The following ROBO1 variants were observed in gnomAD, a reference collection of about 807,000 sequenced individuals.
The protein encoded by ROBO1 is roundabout homolog 1.
ROBO1 carries 149 observed loss-of-function variants against 195.9 expected under a neutral mutation model. The ratio of observed to expected loss-of-function variants is 0.76; its 90% confidence interval spans 0.67 to 0.87. ROBO1 has a LOEUF of 0.87. Among genes scored for constraint, ROBO1 ranks in the 40% least tolerant of loss-of-function variants. The pLI is 0.00. For synonymous variants in ROBO1, 816 were observed against 733.2 expected, an observed-to-expected ratio of 1.11 and a Z score of -1.82; for missense variants, 1,933 against 2,068.3, an observed-to-expected ratio of 0.93 and a Z score of 1.27.
intron 2 of ROBO1, among the ~76,000 whole-genome samples, chr3:79,362,041 A>C (rs2035789116): frequency 2.6e-5 from 4 of 152,184 alleles, no homozygotes; most frequent in Admixed American, 2.6e-4. Context: ...TACATCACAC[A>C]TACGGTAGAT....
At chr3:79,616,110 C>G (rs981133075) in intron 1 of ROBO1, among the ~76,000 whole-genome samples, 1 of 152,142 alleles carries the variant, frequency 6.6e-6, no homozygotes, top group South Asian at 2.1e-4. Context: ...CCAGGCACTA[C>G]TTTTGGCAGT....
chr3:79,378,790 T>C (rs1575747409), intron 2 of ROBO1, among the ~76,000 whole-genome samples: 2 of 152,318 alleles, frequency 1.3e-5, no homozygotes, highest in Admixed American at 1.3e-4. Context: ...CTTTTGCATC[T>C]CCCACATCAT....
Position 78,961,606 on chromosome 3 carries a change from G to C in ROBO1, c.173-22679C>G, listed in dbSNP as rs563010312. ...CTATTATTATCCATAACTTACAGAT[G>C]AGAAAACTGAGGCACAGAAATGAAA... On this transcript the variant is annotated intron_variant, in intron 3 of 30. Transcript: ENST00000464233. Among the ~76,000 whole-genome samples, 6 of 152,246 alleles carry C rather than the reference G, an allele frequency of 3.9e-5. No homozygotes were observed. The East Asian group carries it at 9.7e-4, about 25-fold the overall frequency.
At chr3:78,706,176 G>T (rs892808799) in intron 8 of ROBO1, among the ~76,000 whole-genome samples, 3 of 151,996 alleles carry the variant, frequency 2.0e-5, no homozygotes, top group African/African-American at 7.2e-5. Flanking sequence ...TGAAAAGCTT[G>T]CTGGAGGATG....
intron 1 of ROBO1, among the ~76,000 whole-genome samples, chr3:79,652,890 A>T (rs2106760379): frequency 6.6e-6 from 1 of 152,124 alleles, no homozygotes; most frequent in South Asian, 2.1e-4. Flanking sequence ...TCAAATGGAT[A>T]GCCATAAATA....
rs1327591018 is a variant in ROBO1, at chr3:79,735,903, A to C, written c.-51+31849T>G. On this transcript the variant is annotated intron_variant, in intron 1 of 30. Coordinates refer to ENST00000464233, the MANE Select transcript of ROBO1 (RefSeq NM_002941.4). ...AAAAAAAAACAAAAAAAAAACAAAAAATGCCTGACACTGCCTCATAGATTC... is the reference window on the plus strand; with the variant it reads ...AAAAAAAAACAAAAAAAAAACAAAACATGCCTGACACTGCCTCATAGATTC... 2.6e-5 allele frequency among the ~76,000 whole-genome samples: 4 copies of C among 151,788 alleles called. No homozygotes were observed. The East Asian group carries it at 7.7e-4, about 29-fold the overall frequency.
chr3:78,954,522 C>T (rs1371343036), intron 3 of ROBO1, among the ~76,000 whole-genome samples: 1 of 151,958 alleles, frequency 6.6e-6, no homozygotes, highest in East Asian at 1.9e-4. Flanking sequence ...AATATAGTAG[C>T]TTATTTCAGC....
intron 2 of ROBO1, among the ~76,000 whole-genome samples, chr3:79,289,092 A>ATT (rs5850419): frequency 0.1 from 14,701 of 147,578 alleles, 745 homozygotes; most frequent in Middle Eastern, 0.14. Flanking sequence ...AGGTGAAATC[A>ATT]TTTTTTTTTT....
intron 1 of ROBO1, among the ~76,000 whole-genome samples, chr3:79,752,690 C>T (rs531044754): frequency 2.0e-5 from 3 of 151,816 alleles, no homozygotes; most frequent in African/African-American, 4.8e-5. Flanking sequence ...CAGTATAAAA[C>T]AAAGGAAAAA....
At chr3:79,018,571 C>A (rs2108260989) in intron 3 of ROBO1, 3 of 1,518,730 alleles carry the variant, frequency 2.0e-6, no homozygotes, top group Non-Finnish European at 2.7e-6. Context: ...ATATAAGCAA[C>A]GTGGGTCAAT....
intron 3 of ROBO1, among the ~76,000 whole-genome samples, chr3:78,960,932 A>G (rs561995979): frequency 1.2e-4 from 18 of 152,134 alleles, no homozygotes; most frequent in African/African-American, 4.3e-4. Context: ...CTGTAAGCAG[A>G]TCTGTTCTAG....
At chr3:78,960,673 G>C (rs901443630) in intron 3 of ROBO1, among the ~76,000 whole-genome samples, 1 of 151,630 alleles carries the variant, frequency 6.6e-6, no homozygotes, top group African/African-American at 2.4e-5. Context: ...TCAGTTCCTC[G>C]GGAGGCTGAG....
chr3:78,638,263 A>G (rs567730118), intron 22 of ROBO1, among the ~76,000 whole-genome samples: 3 of 137,366 alleles, frequency 2.2e-5, no homozygotes, highest in Non-Finnish European at 3.2e-5. Context: ...ACATATATGT[A>G]TATGTGTATA....
chr3:78,725,918 T>C (rs1263786262), intron 5 of ROBO1, among the ~76,000 whole-genome samples: 1 of 129,360 alleles, frequency 7.7e-6, no homozygotes, highest in Admixed American at 8.7e-5. Flanking sequence ...TGATTTGCAG[T>C]ATCTGTTACA....
At chr3:78,812,520 T>C (rs2084773641) in intron 4 of ROBO1, among the ~76,000 whole-genome samples, 1 of 152,152 alleles carries the variant, frequency 6.6e-6, no homozygotes, top group African/African-American at 2.4e-5. Flanking sequence ...ATGATTATCC[T>C]GATCCCCTTA....
chr3:78,776,283 G>A (rs1270125251), intron 4 of ROBO1, among the ~76,000 whole-genome samples: 3 of 151,936 alleles, frequency 2.0e-5, no homozygotes, highest in South Asian at 4.2e-4. Flanking sequence ...ACAGAGTTTT[G>A]CTCTTTCACC....
intron 2 of ROBO1, among the ~76,000 whole-genome samples, chr3:79,394,189 T>C (rs2037055239): frequency 6.6e-6 from 1 of 151,764 alleles, no homozygotes; most frequent in Non-Finnish European, 1.5e-5. Flanking sequence ...AATTTTCAGG[T>C]CAGAAAAGAG....
chr3:79,599,459 T>C (rs1944275280), intron 1 of ROBO1, among the ~76,000 whole-genome samples: 1 of 152,060 alleles, frequency 6.6e-6, no homozygotes, highest in South Asian at 2.1e-4. Flanking sequence ...TAGACTATGT[T>C]ATCAAAATGA....
intron 1 of ROBO1, among the ~76,000 whole-genome samples, chr3:79,757,005 A>G (rs560918602): frequency 1.3e-5 from 2 of 152,202 alleles, no homozygotes; most frequent in South Asian, 2.1e-4. Context: ...ATTTCTTTTT[A>G]TGGTTGAAAA....
Sources: allele counts gnomAD v4.1 joint callset (sites outside exome capture counted in the v4.1 genomes callset), GRCh38; gene constraint gnomAD v4.1.1; transcripts MANE v1.5; gene names NCBI Gene and HGNC (gene_info 2026-07-23, HGNC 2026-07-21).